The following FAM169A variants were observed in gnomAD, a reference collection of about 807,000 sequenced individuals.
FAM169A encodes family with sequence similarity 169 member A, also known as soluble lamin-associated protein of 75 kDa.
FAM169A carries 24 observed loss-of-function variants against 75.7 expected under a neutral mutation model. The ratio of observed to expected loss-of-function variants is 0.32; its 90% CI spans 0.23 to 0.45. FAM169A has a LOEUF of 0.45. Ranked by LOEUF, FAM169A falls within the 20% of genes least tolerant of loss-of-function variation. The pLI is 1.00. For synonymous variants in FAM169A, 271 were observed against 271.0 expected, an observed-to-expected ratio of 1.00 and a Z score of 0.00; for missense variants, 673 against 784.0, an observed-to-expected ratio of 0.86 and a Z score of 1.69.
intron 4 of FAM169A, among the ~76,000 whole-genome samples, chr5:74,834,989 T>C (rs1748493922): frequency 7.5e-6 from 1 of 133,944 alleles, no homozygotes; most frequent in Non-Finnish European, 1.5e-5. Context: ...TGCTTTTCAG[T>C]CTCCACATTT....
chr5:74,791,004 C>T (rs1263179387), intron 11 of FAM169A, among the ~76,000 whole-genome samples: 2 of 152,198 alleles, frequency 1.3e-5, no homozygotes, highest in African/African-American at 4.8e-5. Context: ...CGCGGAAGGC[C>T]TTATCCATCA....
chr5:74,830,225 C>T (rs1748244383), intron 5 of FAM169A, among the ~76,000 whole-genome samples: 1 of 152,124 alleles, frequency 6.6e-6, no homozygotes, highest in South Asian at 2.1e-4. Context: ...GAACTTGCAA[C>T]TTGACTTAAG....
rs1036093229 is a variant in FAM169A at position 74,778,836 on chromosome 5, C to G, written c.*2624G>C. The stretch of plus-strand genomic sequence containing the variant: ...ACTATGTGTAATGTGACTGGACATT[C>G]AACAACTAGACTAGCCGGTTGAAAT... On this transcript the variant is annotated 3_prime_UTR_variant, in exon 13 of 13. Coordinates refer to ENST00000687041, the MANE Select transcript of FAM169A (RefSeq NM_001376049.1). 3 of 152,210 alleles carry G rather than the reference C, an allele frequency of 2.0e-5. No homozygotes were observed. The highest frequency in any genetic ancestry group is 6.8e-3 in the Middle Eastern group (2 of 294). 9.4% of individuals were successfully genotyped at this position (152,210 alleles called of 1,614,324 possible). A position where few individuals can be genotyped will look rare whatever the true frequency, so the allele number is the denominator to read the frequency against.
At chr5:74,819,362 C>T (rs141197778) in intron 5 of FAM169A, among the ~76,000 whole-genome samples, 1 of 152,158 alleles carries the variant, frequency 6.6e-6, no homozygotes, top group African/African-American at 2.4e-5. Flanking sequence ...ACGGCTACTT[C>T]GTATCTGCTA....
intron 5 of FAM169A, among the ~76,000 whole-genome samples, chr5:74,824,976 A>C (rs1162890742): frequency 6.6e-6 from 1 of 152,072 alleles, no homozygotes; most frequent in African/African-American, 2.4e-5. Flanking sequence ...AAAAACCCCA[A>C]CACCCCTAAA....
At chr5:74,844,800 G>C (rs1749067696) in intron 1 of FAM169A, among the ~76,000 whole-genome samples, 1 of 152,194 alleles carries the variant, frequency 6.6e-6, no homozygotes, top group South Asian at 2.1e-4. Flanking sequence ...CTGGGTGACA[G>C]AGTGAGACTC....
chr5:74,808,363 G>T (rs1176356338), intron 6 of FAM169A, among the ~76,000 whole-genome samples: 1 of 152,192 alleles, frequency 6.6e-6, no homozygotes. Flanking sequence ...GTTTAGTGAA[G>T]TAAGCCAGAC....
chr5:74,793,267 G>A (rs1746070911), intron 11 of FAM169A, among the ~76,000 whole-genome samples: 1 of 150,570 alleles, frequency 6.6e-6, no homozygotes, highest in Non-Finnish European at 1.5e-5. Context: ...GGAGGTTGCA[G>A]TGAGCTGAGA....
At chr5:74,842,535 CTTT>C (rs559380991) in intron 1 of FAM169A, among the ~76,000 whole-genome samples, 1 of 84,626 alleles carries the variant, frequency 1.2e-5, no homozygotes, top group Non-Finnish European at 2.4e-5. Flanking sequence ...TAGCTTTTTT[CTTT>C]TTTTTTTTTT....
intron 6 of FAM169A, among the ~76,000 whole-genome samples, chr5:74,810,974 A>AT (rs764689046): frequency 0.21 from 20,972 of 99,802 alleles, 2,471 homozygotes; most frequent in African/African-American, 0.27. Flanking sequence ...CTAGGCCTGG[A>AT]TTTTTTTTTT....
intron 1 of FAM169A, 27 bp downstream of exon 1, chr5:74,866,138 C>T (rs1455912327): frequency 2.3e-5 from 22 of 968,566 alleles, no homozygotes; most frequent in South Asian, 1.4e-4. Context: ...CCCAGCGGTC[C>T]GCGCCGGGGA....
intron 11 of FAM169A, among the ~76,000 whole-genome samples, chr5:74,784,559 AGTGAGGAGACTAGAG>A (rs1745583987): frequency 6.9e-6 from 1 of 145,762 alleles, no homozygotes; most frequent in African/African-American, 2.6e-5. Context: ...AGTATTATAA[AGTGAGGAGACTAGAG>A]AACTTCAGGA....
At chr5:74,833,430 C>T (rs1748417557) in intron 5 of FAM169A, among the ~76,000 whole-genome samples, 2 of 152,136 alleles carry the variant, frequency 1.3e-5, no homozygotes, top group South Asian at 2.1e-4. Context: ...CAATAAAGGG[C>T]ACCCAAAGTA....
chr5:74,831,944 T>G (rs554055927), intron 5 of FAM169A, among the ~76,000 whole-genome samples: 2 of 152,250 alleles, frequency 1.3e-5, no homozygotes, highest in East Asian at 3.9e-4. Context: ...TCAAAAATAT[T>G]TGATGAAAGA....
At chr5:74,804,707 A>G in intron 7 of FAM169A, 102 bp from the exon 8 acceptor site, 1 of 597,560 alleles carries the variant, frequency 1.7e-6, no homozygotes, top group Non-Finnish European at 2.9e-6. Flanking sequence ...CAGCCTGGAC[A>G]GAAGGGTCAC....
At chr5:74,861,888 G>A (rs1750055886) in intron 1 of FAM169A, among the ~76,000 whole-genome samples, 1 of 152,174 alleles carries the variant, frequency 6.6e-6, no homozygotes, top group African/African-American at 2.4e-5. Context: ...ATTTCAATAA[G>A]CTTGCAAGGC....
intron 11 of FAM169A, among the ~76,000 whole-genome samples, chr5:74,791,187 C>T (rs532707637): frequency 3.9e-5 from 6 of 152,264 alleles, no homozygotes; most frequent in East Asian, 3.9e-4. Context: ...ACAATTACAA[C>T]GCCAACTAGG....
intron 1 of FAM169A, among the ~76,000 whole-genome samples, chr5:74,843,777 T>C (rs550656047): frequency 3.7e-4 from 56 of 152,350 alleles, no homozygotes; most frequent in Non-Finnish European, 2.9e-5. Context: ...CTGATGAACA[T>C]TTGGCTATTT....
chr5:74,842,041 G>A (rs77353641), intron 1 of FAM169A, among the ~76,000 whole-genome samples: 3,391 of 151,776 alleles, frequency 0.022, 124 homozygotes, highest in African/African-American at 0.078. Context: ...AAAAGGACAC[G>A]AGAACTTGTT....
Sources: gnomAD v4.1 joint callset for allele counts (sites outside exome capture counted in the v4.1 genomes callset) on GRCh38, gnomAD v4.1.1 for gene constraint, MANE v1.5 for transcripts, NCBI Gene and HGNC (gene_info 2026-07-23, HGNC 2026-07-21) for gene names.